The following TLK2 variants were observed in gnomAD, a reference collection of about 807,000 sequenced individuals.
The protein encoded by TLK2 is tousled like kinase 2.
Under a neutral mutation model 117.3 loss-of-function variants are expected in TLK2, and 6 were observed. The ratio of observed to expected loss-of-function variants is 0.05; its 90% confidence interval spans 0.03 to 0.10. The LOEUF is 0.10. Among genes scored for constraint, TLK2 ranks in the 10% least tolerant of loss-of-function variants. TLK2 has a pLI of 1.00. For missense variants in TLK2, 299 were observed against 901.2 expected, an observed-to-expected ratio of 0.33 and a Z score of 8.56; for synonymous variants, 257 against 316.7, an observed-to-expected ratio of 0.81 and a Z score of 2.00.
chr17:62,581,599 G>A (rs976550609), intron 15 of TLK2, among the ~76,000 whole-genome samples: 1 of 151,738 alleles, frequency 6.6e-6, no homozygotes, highest in African/African-American at 2.4e-5. Flanking sequence ...CACCATACCT[G>A]GCTAATTTTT....
intron 15 of TLK2, 86 bp from the exon 16 acceptor site, chr17:62,586,049 A>G (rs2081585327): frequency 1.0e-6 from 1 of 981,764 alleles, no homozygotes; most frequent in African/African-American, 1.7e-5. Context: ...GACTTTGATT[A>G]TGTTATATGT....
chr17:62,498,893 C>G (rs2073947821), intron 2 of TLK2, among the ~76,000 whole-genome samples: 1 of 151,524 alleles, frequency 6.6e-6, no homozygotes, highest in African/African-American at 2.4e-5. Flanking sequence ...GACACAGTCT[C>G]TCTCTGTCAC....
chr17:62,596,481 A>G (rs2147103196), intron 16 of TLK2, 104 bp from the exon 17 acceptor site: 1 of 849,130 alleles, frequency 1.2e-6, no homozygotes, highest in Admixed American at 1.9e-5. Context: ...TGGAATTAAC[A>G]TGTGGAGACA....
chr17:62,502,331 CT>C (rs1262282391), intron 2 of TLK2, among the ~76,000 whole-genome samples: 2 of 152,048 alleles, frequency 1.3e-5, no homozygotes, highest in East Asian at 3.9e-4. Flanking sequence ...AAGCATTTGA[CT>C]AACTGTTAAC....
At chr17:62,539,685 C>G (rs1000681127) in intron 7 of TLK2, among the ~76,000 whole-genome samples, 3 of 151,980 alleles carry the variant, frequency 2.0e-5, no homozygotes, top group Non-Finnish European at 4.4e-5. Context: ...GCCATGTTGG[C>G]CAGGCAACAT....
At chr17:62,516,830 C>G (rs1384125882) in intron 2 of TLK2, 1 of 1,033,502 alleles carries the variant, frequency 9.7e-7, no homozygotes, top group East Asian at 2.6e-5. Flanking sequence ...ATGTTTAGGT[C>G]TTTGATGTGT....
chr17:62,547,901 T>A (rs570053780), intron 7 of TLK2, among the ~76,000 whole-genome samples: 10 of 152,314 alleles, frequency 6.6e-5, no homozygotes, highest in Non-Finnish European at 1.0e-4. Context: ...GTGTATTTGC[T>A]GCATAGGAAT....
chr17:62,598,010 T>C (rs1412680474), intron 17 of TLK2, among the ~76,000 whole-genome samples: 1 of 152,184 alleles, frequency 6.6e-6, no homozygotes, highest in Admixed American at 6.5e-5. Flanking sequence ...GACAGCTGCC[T>C]TACATTTAGA....
intron 9 of TLK2, among the ~76,000 whole-genome samples, chr17:62,557,762 TTTAAGA>T (rs2078966117): frequency 6.6e-6 from 1 of 152,216 alleles, no homozygotes; most frequent in South Asian, 2.1e-4. Context: ...CATCTGACTC[TTTAAGA>T]TTGAGATGAC....
At chr17:62,583,387 A>G (rs1002621327) in intron 15 of TLK2, among the ~76,000 whole-genome samples, 11 of 151,530 alleles carry the variant, frequency 7.3e-5, no homozygotes, top group Non-Finnish European at 1.6e-4. Context: ...AAGCCACCGC[A>G]CCCAGCCTAT....
intron 15 of TLK2, among the ~76,000 whole-genome samples, chr17:62,585,075 C>T (rs904289367): frequency 3.3e-5 from 5 of 152,206 alleles, no homozygotes; most frequent in African/African-American, 1.2e-4. Context: ...TTATGATTTA[C>T]ACCCAGCTTC....
chr17:62,488,896 G>A (rs1190036935), intron 2 of TLK2, among the ~76,000 whole-genome samples: 1 of 147,742 alleles, frequency 6.8e-6, no homozygotes, highest in East Asian at 2.0e-4. Context: ...CATGATCATG[G>A]CTCACTGCAG....
At chr17:62,514,838 C>T (rs1014179711) in intron 2 of TLK2, among the ~76,000 whole-genome samples, 4 of 152,210 alleles carry the variant, frequency 2.6e-5, no homozygotes, top group African/African-American at 9.6e-5. Flanking sequence ...CTCAGCCTCC[C>T]AAAGTGCTGG....
chr17:62,534,361 A>G (rs996422168), intron 6 of TLK2, among the ~76,000 whole-genome samples: 5 of 152,204 alleles, frequency 3.3e-5, no homozygotes, highest in African/African-American at 1.2e-4. Context: ...ACCCAGGAAC[A>G]TGATATTACC....
At chr17:62,548,894 G>A (rs1208810741) in intron 7 of TLK2, among the ~76,000 whole-genome samples, 1 of 149,162 alleles carries the variant, frequency 6.7e-6, no homozygotes, top group African/African-American at 2.5e-5. Context: ...CCGCCCCCAC[G>A]CCCAGATTAT....
At chr17:62,510,144 G>A (rs1484313524) in intron 2 of TLK2, among the ~76,000 whole-genome samples, 1 of 152,130 alleles carries the variant, frequency 6.6e-6, no homozygotes, top group African/African-American at 2.4e-5. Context: ...GTGGTGGCAT[G>A]TGCCTGTAAT....
intron 6 of TLK2, among the ~76,000 whole-genome samples, chr17:62,535,799 GA>G (rs201842250): frequency 6.6e-6 from 1 of 150,384 alleles, no homozygotes; most frequent in African/African-American, 2.4e-5. Flanking sequence ...AAAGAAAAAA[GA>G]AAAAAAAGTC....
chr17:62,476,341 T>C (rs1419804336), upstream of TLK2, among the ~76,000 whole-genome samples: 2 of 150,210 alleles, frequency 1.3e-5, no homozygotes, highest in African/African-American at 4.9e-5. Flanking sequence ...CACAGCACTT[T>C]GGGAGGCCGA....
In TLK2 at chr17:62,613,249, C is replaced by T. The variant is rs1258062857; in HGVS notation, c.*684C>T. The T allele has an allele frequency of 2.0e-5, 3 of 152,586 alleles. No individual in the cohort carries two copies. Among genetic ancestry groups the T allele is most frequent in the Non-Finnish European group, 4.4e-5 (3 of 68,022 alleles). 9.5% of individuals were successfully genotyped at this position (152,586 alleles called of 1,614,324 possible). A position where few individuals can be genotyped will look rare whatever the true frequency, so the allele number is the denominator to read the frequency against. ...CAATGTTCATTCCAATCAGATGCAG[C>T]TTTCTCCTCCGTCTGGTCTCCTGTT... On this transcript the variant is annotated 3_prime_UTR_variant, in exon 22 of 22. Transcript: ENST00000346027.
Sources: allele counts gnomAD v4.1 joint callset (sites outside exome capture counted in the v4.1 genomes callset), GRCh38; gene constraint gnomAD v4.1.1; transcripts MANE v1.5; gene names NCBI Gene and HGNC (gene_info 2026-07-23, HGNC 2026-07-21).